The following PDIA6 variants were observed in gnomAD, a reference collection of about 807,000 sequenced individuals.
PDIA6 encodes protein disulfide isomerase family A member 6, also known as protein disulfide-isomerase A6.
A neutral mutation model predicts 58.4 loss-of-function variants in PDIA6; 29 were observed. The ratio of observed to expected loss-of-function variants is 0.50; its 90% CI spans 0.37 to 0.68. The LOEUF (loss-of-function observed/expected upper bound fraction) is 0.68. Among genes scored for constraint, PDIA6 ranks in the 30% least tolerant of loss-of-function variants. The pLI is 0.00. For synonymous variants in PDIA6, 192 were observed against 202.6 expected, an observed-to-expected ratio of 0.95 and a Z score of 0.44; for missense variants, 480 against 551.0, an observed-to-expected ratio of 0.87 and a Z score of 1.29.
Position 10,789,708 on chromosome 2 carries a change from T to A in PDIA6, c.840+41A>T, listed in dbSNP as rs906831782. On this transcript the variant is annotated intron_variant, in intron 8 of 12. Coordinates refer to ENST00000272227, the MANE Select transcript of PDIA6 (RefSeq NM_005742.4). ...TGCTTTAACATTCCTCACCATCAGCTAAAAAAGCTTTCTGGACTACAAGCA... is the reference window on the plus strand; with the variant it reads ...TGCTTTAACATTCCTCACCATCAGCAAAAAAAGCTTTCTGGACTACAAGCA... 3.8e-6 allele frequency: 6 copies of A among 1,597,030 alleles called. No individual in the cohort carries two copies. The African/African-American group carries it at 5.4e-5, about 14-fold the overall frequency.
chr2:10,812,698 C>A lies in PDIA6; in HGVS notation c.-2G>T. The stretch of plus-strand genomic sequence containing the variant: ...CCTACCGAGCACCAGGAGAGCCATG[C>A]CGAGCGCCGGGCTACGTGCAGTCCC... On this transcript the variant is annotated 5_prime_UTR_variant, in exon 1 of 13. Coordinates refer to ENST00000272227, the MANE Select transcript of PDIA6 (RefSeq NM_005742.4). 1 of 1,529,456 alleles carries A rather than the reference C, an allele frequency of 6.5e-7. No individual in the cohort carries two copies. The highest frequency in any genetic ancestry group is 1.9e-5 in the Admixed American group (1 of 51,828). 94.7% of individuals were successfully genotyped at this position (1,529,456 alleles called of 1,614,324 possible). A position where few individuals can be genotyped will look rare whatever the true frequency, so the allele number is the denominator to read the frequency against.
chr2:10,785,770 G>C (rs1212202434), intron 11 of PDIA6, among the ~76,000 whole-genome samples: 1 of 152,222 alleles, frequency 6.6e-6, no homozygotes, highest in Non-Finnish European at 1.5e-5. Flanking sequence ...CTTTTGCCCA[G>C]GCTGGAGTGC....
intron 11 of PDIA6, among the ~76,000 whole-genome samples, chr2:10,786,005 C>T (rs903362465): frequency 2.0e-5 from 3 of 152,128 alleles, no homozygotes; most frequent in East Asian, 1.9e-4. Flanking sequence ...TGAGCCACCG[C>T]ACCCAGCCCC....
intron 4 of PDIA6, among the ~76,000 whole-genome samples, chr2:10,796,187 G>A (rs1377949205): frequency 1.3e-5 from 2 of 151,690 alleles, no homozygotes; most frequent in Non-Finnish European, 2.9e-5. Context: ...CAGAGTAGCT[G>A]GGACTACAGT....
At chr2:10,799,197 C>T (rs78944828) in intron 2 of PDIA6, among the ~76,000 whole-genome samples, 1 of 105,318 alleles carries the variant, frequency 9.5e-6, no homozygotes, top group Non-Finnish European at 2.3e-5. Context: ...GGTAGCTATA[C>T]TGTTTATTTT....
intron 1 of PDIA6, among the ~76,000 whole-genome samples, chr2:10,820,161 G>C (rs1667340481): frequency 6.6e-6 from 1 of 152,224 alleles, no homozygotes; most frequent in African/African-American, 2.4e-5. Context: ...GTTAGGTTAA[G>C]AGCGGAAGTT....
At chr2:10,808,927 G>A (rs1666880198) in intron 1 of PDIA6, among the ~76,000 whole-genome samples, 1 of 152,094 alleles carries the variant, frequency 6.6e-6, no homozygotes, top group African/African-American at 2.4e-5. Context: ...CTGGGTTCAA[G>A]CGATTCTCCC....
chr2:10,806,628 C>CGAAAGAGAGAAAGAAAGAAAGAAAGAA (rs1553339930), intron 1 of PDIA6, among the ~76,000 whole-genome samples: 2 of 70,364 alleles, frequency 2.8e-5, no homozygotes, highest in Non-Finnish European at 7.9e-5. Context: ...AAAATAAAGA[C>CGAAAGAGAGAAAGAAAGAAAGAAAGAA]AGAAAGAAAG....
intron 1 of PDIA6, among the ~76,000 whole-genome samples, chr2:10,825,256 GTCTCTCTCTGTCTCTCTCTCTGTC>G (rs61409733): frequency 0.31 from 25,601 of 81,472 alleles, 3,293 homozygotes; most frequent in African/African-American, 0.43. Context: ...CTCTCTCTCT[GTCTCTCTCTGTCTCTCTCTCTGTC>G]TCTCTCTCTG....
chr2:10,837,102 C>T (rs1296545083), upstream of PDIA6, among the ~76,000 whole-genome samples: 1 of 152,176 alleles, frequency 6.6e-6, no homozygotes, highest in African/African-American at 2.4e-5. Context: ...GAGAAGCTTC[C>T]AGGGGCAGCA....
chr2:10,830,277 G>T (rs998063696), intron 1 of PDIA6, among the ~76,000 whole-genome samples: 1 of 152,360 alleles, frequency 6.6e-6, no homozygotes, highest in Middle Eastern at 3.4e-3. Context: ...ATGTTGGAAT[G>T]AATGAACGCA....
intron 10 of PDIA6, among the ~76,000 whole-genome samples, chr2:10,788,305 C>G (rs1384077433): frequency 1.3e-5 from 2 of 152,126 alleles, no homozygotes; most frequent in East Asian, 1.9e-4. Context: ...GTGCTGACAG[C>G]CCTTCATTCC....
At chr2:10,796,854 A>T (rs187333782) in intron 4 of PDIA6, among the ~76,000 whole-genome samples, 24 of 152,314 alleles carry the variant, frequency 1.6e-4, no homozygotes, top group Non-Finnish European at 1.5e-5. Flanking sequence ...TATCATTGCC[A>T]ATGTAGCATA....
upstream of PDIA6, among the ~76,000 whole-genome samples, chr2:10,834,080 C>T (rs1667768657): frequency 6.6e-6 from 1 of 152,254 alleles, no homozygotes; most frequent in South Asian, 2.1e-4. Context: ...TTTCTAAATA[C>T]TGTTGCAAAG....
At chr2:10,836,398 A>G (rs55719303), upstream of PDIA6, among the ~76,000 whole-genome samples, 26,462 of 151,954 alleles carry the variant, frequency 0.17, 2,425 homozygotes, top group Middle Eastern at 0.28. Context: ...CTATTTTTAG[A>G]GACGGAGTCT....
intron 1 of PDIA6, chr2:10,820,643 T>A (rs185399812): frequency 1.7e-6 from 1 of 592,218 alleles, no homozygotes; most frequent in Non-Finnish European, 3.0e-6. Flanking sequence ...CTGTTTTTTG[T>A]TAGAAGGGAA....
chr2:10,820,917 T>C (rs1667367959), intron 1 of PDIA6: 1 of 699,298 alleles, frequency 1.4e-6, no homozygotes, highest in East Asian at 2.7e-5. Context: ...AGAGTGAGCG[T>C]CCTAAGAGTC....
At chr2:10,796,060 CTTTTTTTT>C (rs78611007) in intron 4 of PDIA6, among the ~76,000 whole-genome samples, 73,962 of 144,210 alleles carry the variant, frequency 0.51, 19,680 homozygotes, top group Middle Eastern at 0.62. Context: ...TTTGTGATAT[CTTTTTTTT>C]TTTTTTTTTT....
chr2:10,798,616 C>G (rs897067993), intron 2 of PDIA6, among the ~76,000 whole-genome samples: 2 of 151,080 alleles, frequency 1.3e-5, no homozygotes, highest in African/African-American at 2.4e-5. Flanking sequence ...TCAATTAAAT[C>G]ACATTTAAAC....
Sources: allele counts gnomAD v4.1 joint callset (sites outside exome capture counted in the v4.1 genomes callset), GRCh38; gene constraint gnomAD v4.1.1; transcripts MANE v1.5; gene names NCBI Gene and HGNC (gene_info 2026-07-23, HGNC 2026-07-21).